Variants in RECQL5 observed in about 807,000 individuals in gnomAD.
The protein encoded by RECQL5 is ATP-dependent DNA helicase Q5.
In RECQL5, 88 loss-of-function variants were observed where a neutral mutation model predicts 103.4. That is an observed-to-expected ratio of 0.85 (90% CI 0.72 to 1.02). The LOEUF is 1.02. RECQL5 is among the 50% of genes least tolerant of loss of function. The pLI, the probability that RECQL5 is intolerant of heterozygous loss-of-function variation, is 0.00. For synonymous variants in RECQL5, 552 were observed against 507.9 expected, an observed-to-expected ratio of 1.09 and a Z score of -1.17; for missense variants, 1,232 against 1,284.3, an observed-to-expected ratio of 0.96 and a Z score of 0.62.
In RECQL5 at chr17:75,629,739, T is replaced by C. The variant is rs1287863020; in HGVS notation, c.1916A>G (p.Tyr639Cys). Residue 639 changes from tyrosine to cysteine, a missense_variant, in exon 15 of 20, where the codon TAT becomes TGT. Transcript: ENST00000317905. ...AQAEPPEPNEYDIPPASHVYS... is the reference protein window; with the variant it reads ...AQAEPPEPNECDIPPASHVYS... ...CACATGGGAGGCTGGTGGAATGTCA[T>C]ACTCATTGGGCTCCGGGGGCTCAGC... The C allele has an allele frequency of 6.2e-7, 1 of 1,613,436 alleles. No homozygotes were observed. Among genetic ancestry groups the C allele is most frequent in the East Asian group, 2.2e-5 (1 of 44,876 alleles).
chr17:75,630,841 T>TGGCG lies in RECQL5; in HGVS notation c.1586-5_1586-4insCGCC, dbSNP rs1555706008. 1.2e-5 allele frequency: 14 copies of TGGCG among 1,135,130 alleles called. No individual in the cohort carries two copies. In the African/African-American group the frequency reaches 3.6e-4, roughly 29 times the overall value. The allele number at this position is 1,135,130 out of a possible 1,614,324, so 70.3% of individuals were successfully genotyped here. On this transcript the variant is annotated splice_region_variant and splice_polypyrimidine_tract_variant and intron_variant, in intron 11 of 19. Transcript: ENST00000317905. ...TCTTTCAGGGGACAGTTCTCATCTG[T>TGGCG]GGGGGGGGGGGGTGGTCCTTGGTCC...
At position 75,640,919 on chromosome 17, in the gene RECQL5, G is replaced by C; in HGVS notation, c.1230-9251C>G. 1.3e-6 allele frequency: 2 copies of C among 1,539,450 alleles called. No homozygotes were observed. The highest frequency in any genetic ancestry group is 1.7e-6 in the Non-Finnish European group (2 of 1,146,270). On this transcript the variant is annotated intron_variant, in intron 8 of 19. Transcript: ENST00000317905. This position sits in a 1 kb window ranked among gnomAD's most constrained non-coding sequence, Gnocchi z 4.6. ...ATGACGGACGGGCGATGGCTGAGGAGAAGCTGGAGAGGAGATGGCCAATGC... is the reference window on the plus strand; with the variant it reads ...ATGACGGACGGGCGATGGCTGAGGACAAGCTGGAGAGGAGATGGCCAATGC...
intron 8 of RECQL5, chr17:75,648,077 C>T: frequency 6.1e-6 from 1 of 165,166 alleles, no homozygotes. Context: ...CTGTCTCCAG[C>T]CATCTTGCCC....
Position 75,656,433 on chromosome 17 carries a change from A to G in RECQL5, c.1149+1865T>C, listed in dbSNP as rs79146310. On this transcript the variant is annotated intron_variant, in intron 7 of 19. Coordinates refer to ENST00000317905, the MANE Select transcript of RECQL5 (RefSeq NM_004259.7). ...TTAACAGCTTGTAACACTTATTCCT[A>G]AGTATTTTATAAGTTTTATTGTTGT... Among the ~76,000 whole-genome samples, 14 of 152,120 alleles carry G rather than the reference A, an allele frequency of 9.2e-5. No individual in the cohort carries two copies. The East Asian group carries it at 2.5e-3, about 27-fold the overall frequency.
In RECQL5 at chr17:75,664,054, CAAAAA is replaced by C. The variant is rs34569441; in HGVS notation, c.252+992_252+996del. On this transcript the variant is annotated intron_variant, in intron 3 of 19. Coordinates refer to ENST00000317905, the MANE Select transcript of RECQL5 (RefSeq NM_004259.7). ...GGGCAACAAGAGCGAAACTCCATCT[CAAAAA>C]AAAAAAAAAAAAAAGAAAGAAAGAA... Among the ~76,000 whole-genome samples, 9 of 105,702 alleles carry C rather than the reference CAAAAA, an allele frequency of 8.5e-5. 1 individual carries two copies. The South Asian group carries it at 3.2e-3, about 38-fold the overall frequency. The allele number at this position is 105,702 out of a possible 152,430, so 69.3% of individuals were successfully genotyped here.
At chr17:75,635,210 G>A (rs1235828113) in intron 8 of RECQL5, among the ~76,000 whole-genome samples, 1 of 152,248 alleles carries the variant, frequency 6.6e-6, no homozygotes, top group Non-Finnish European at 1.5e-5. Context: ...TTCGGCTGGG[G>A]CTGGTGTCTG....
At chr17:75,633,512 T>C in intron 8 of RECQL5, 1 of 1,288,248 alleles carries the variant, frequency 7.8e-7, no homozygotes, top group South Asian at 1.2e-5. Context: ...CCCAGGTCAC[T>C]CAGGATTCCA....
intron 10 of RECQL5, 31 bp downstream of exon 10, chr17:75,631,119 C>A (rs201566064): frequency 6.2e-7 from 1 of 1,611,802 alleles, no homozygotes; most frequent in Admixed American, 1.7e-5. Flanking sequence ...CACCAGGGGC[C>A]CCACACAGGC....
At chr17:75,635,469 A>G (rs1472295511) in intron 8 of RECQL5, among the ~76,000 whole-genome samples, 2 of 152,208 alleles carry the variant, frequency 1.3e-5, no homozygotes, top group East Asian at 3.9e-4. Context: ...AAGAGCGCCT[A>G]CTGTTTCTAA....
At position 75,636,672 on chromosome 17, in the gene RECQL5, T is replaced by TATAA. The variant is rs2059327833; in HGVS notation, c.1230-5005_1230-5004insTTAT. ...CGGCTGGAATGCGCCTCCTCCTCTT[T>TATAA]AGAGAACAGGACCCCTCAGCTCCCC... On this transcript the variant is annotated intron_variant, in intron 8 of 19. Coordinates refer to ENST00000317905, the MANE Select transcript of RECQL5 (RefSeq NM_004259.7). This position sits in a 1 kb window ranked among gnomAD's most constrained non-coding sequence, Gnocchi z 5.4. The TATAA allele has an allele frequency of 6.6e-6, 1 of 152,322 alleles. No homozygotes were observed. The highest frequency in any genetic ancestry group is 1.5e-5 in the Non-Finnish European group (1 of 68,142). 9.4% of individuals were successfully genotyped at this position (152,322 alleles called of 1,614,324 possible).
At chr17:75,645,427 T>C (rs537301382) in intron 8 of RECQL5, among the ~76,000 whole-genome samples, 2 of 152,368 alleles carry the variant, frequency 1.3e-5, no homozygotes, top group Non-Finnish European at 1.5e-5. Flanking sequence ...TTAACCTCTC[T>C]GTGCCCGTTC....
chr17:75,632,354 C>T (rs1256725414), intron 8 of RECQL5, among the ~76,000 whole-genome samples: 4 of 152,176 alleles, frequency 2.6e-5, no homozygotes, highest in Admixed American at 6.5e-5. Context: ...GAGGCTGTGC[C>T]GCTTGATATT....
intron 2 of RECQL5, 102 bp from the exon 3 acceptor site, chr17:75,665,274 T>TGGCA: frequency 9.3e-7 from 1 of 1,078,454 alleles, no homozygotes; most frequent in South Asian, 1.4e-5. Context: ...GCAGAGTGTC[T>TGGCA]GGCACATGGG....
chr17:75,628,625 G>T (rs761555930), intron 17 of RECQL5, 47 bp downstream of exon 17: 2 of 1,541,176 alleles, frequency 1.3e-6, no homozygotes, highest in South Asian at 1.2e-5. Flanking sequence ...TCCTGGCCTC[G>T]CCCACAGCCC....
In RECQL5 at chr17:75,630,844, G is replaced by GTTT. The variant is rs752469432; in HGVS notation, c.1586-8_1586-7insAAA. On this transcript the variant is annotated splice_region_variant and splice_polypyrimidine_tract_variant and intron_variant, in intron 11 of 19. Transcript: ENST00000317905. Reference sequence around the variant, plus strand: ...TTCAGGGGACAGTTCTCATCTGTGGGGGGGGGGGGTGGTCCTTGGTCCTTT... The same window carrying GTTT: ...TTCAGGGGACAGTTCTCATCTGTGGGTTTGGGGGGGGGTGGTCCTTGGTCCTTT... 3.5e-6 allele frequency: 4 copies of GTTT among 1,139,964 alleles called. 1 individual carries two copies. The highest frequency in any genetic ancestry group is 6.0e-5 in the East Asian group (2 of 33,164). The allele number at this position is 1,139,964 out of a possible 1,614,324, so 70.6% of individuals were successfully genotyped here. A position where few individuals can be genotyped will look rare whatever the true frequency, so the allele number is the denominator to read the frequency against.
intron 2 of RECQL5, 96 bp downstream of exon 2, chr17:75,666,332 G>A: frequency 7.2e-7 from 1 of 1,393,988 alleles, no homozygotes; most frequent in South Asian, 1.3e-5. Context: ...ATGGACCAAA[G>A]GTGAGGCAGT....
At position 75,627,000 on chromosome 17, in the gene RECQL5, A is replaced by T; in HGVS notation, c.*422T>A. On this transcript the variant is annotated 3_prime_UTR_variant, in exon 20 of 20. Coordinates refer to ENST00000317905, the MANE Select transcript of RECQL5 (RefSeq NM_004259.7). ...ACAGCTCTGACCTGGGCAAGGCTGG[A>T]AGCTGGCATCGTAATGGATGGGGGA... is the stretch of plus-strand genomic sequence containing the variant. 5.4e-6 allele frequency: 2 copies of T among 372,738 alleles called. No homozygotes were observed. Among genetic ancestry groups the T allele is most frequent in the Non-Finnish European group, 1.1e-5 (2 of 188,306 alleles). 23.1% of individuals were successfully genotyped at this position (372,738 alleles called of 1,614,324 possible). A position where few individuals can be genotyped will look rare whatever the true frequency, so the allele number is the denominator to read the frequency against.
intron 8 of RECQL5, among the ~76,000 whole-genome samples, chr17:75,641,637 C>A (rs1348421005): frequency 1.3e-5 from 2 of 152,254 alleles, no homozygotes; most frequent in African/African-American, 4.8e-5. Flanking sequence ...AGGCACTACT[C>A]TGCAGAGTGG....
At position 75,663,009 on chromosome 17, in the gene RECQL5, G is replaced by T. The variant is rs371345783; in HGVS notation, c.253-12C>A. The T allele has an allele frequency of 6.6e-5, 104 of 1,571,760 alleles. No individual in the cohort carries two copies. In the African/African-American group the frequency reaches 1.1e-3, roughly 17 times the overall value. The stretch of plus-strand genomic sequence containing the variant: ...TGGTCCACTTGGTCCTAAGAGAAGA[G>T]AAAGAGGCTGTAACTGGCCCTCAGG... On this transcript the variant is annotated splice_polypyrimidine_tract_variant and intron_variant, in intron 3 of 19. Transcript: ENST00000317905.
Sources: gnomAD v4.1 joint callset for allele counts (sites outside exome capture counted in the v4.1 genomes callset) on GRCh38, gnomAD v4.1.1 for gene constraint, Gnocchi (gnomAD v3.1) non-coding constraint, MANE v1.5 for transcripts, NCBI Gene and HGNC (gene_info 2026-07-23, HGNC 2026-07-21) for gene names.